DCLK1: variants seen among roughly 807,000 people sequenced by gnomAD.
DCLK1 encodes the protein serine/threonine-protein kinase DCLK1.
In DCLK1, 16 loss-of-function variants were observed where a neutral mutation model predicts 86.2. The observed-to-expected ratio is 0.19, with a 90% CI of 0.13 to 0.28. The LOEUF is 0.28. Ranked by LOEUF, DCLK1 falls within the 10% of genes least tolerant of loss-of-function variation. The probability of loss-of-function intolerance (pLI) is 1.00; values close to 1 mark genes in which losing one functional copy is unlikely to be tolerated. For missense variants in DCLK1, 590 were observed against 940.2 expected (o/e 0.63, Z 4.87); for synonymous variants, 369 against 370.5 (o/e 1.00, Z 0.05).
rs575357802 is a variant in DCLK1, at chr13:35,823,520, A to AG, written c.1408-646dup. ...AGTTGAGTGAGAGAAGGAGGGAGGA[A>AG]GGGGGGGAAATCTCAAAGAAAGTTT... On this transcript the variant is annotated intron_variant, in intron 10 of 16. Transcript: ENST00000360631. 1.6e-4 allele frequency among the ~76,000 whole-genome samples: 24 copies of AG among 152,240 alleles called. No homozygotes were observed. In the South Asian group the frequency reaches 4.6e-3, roughly 29 times the overall value.
chr13:35,827,536 A>G (rs1868580692), intron 10 of DCLK1, 99 bp downstream of exon 10: 1 of 1,418,732 alleles, frequency 7.0e-7, no homozygotes, highest in African/African-American at 1.4e-5. Flanking sequence ...CAGAAATGAG[A>G]ACCTGAATAC....
At chr13:35,871,058 A>G (rs1370819497) in intron 5 of DCLK1, among the ~76,000 whole-genome samples, 166 bp downstream of exon 5, 5 of 152,202 alleles carry the variant, frequency 3.3e-5, no homozygotes, top group African/African-American at 7.2e-5. Context: ...CTTGCAGCCA[A>G]TATGCTAGAC....
In DCLK1 at chr13:36,052,142, C is replaced by T. The variant is rs1042165707; in HGVS notation, c.723+59727G>A. On this transcript the variant is annotated intron_variant, in intron 3 of 16. Coordinates refer to ENST00000360631, the MANE Select transcript of DCLK1 (RefSeq NM_001330071.2). ...TTCAAACCTCTTTTTACTTGAGAAA[C>T]TCAACTTATATCTCATCACGGAACT... is the stretch of plus-strand genomic sequence containing the variant. Among the ~76,000 whole-genome samples, 5 of 152,080 alleles carry T rather than the reference C, an allele frequency of 3.3e-5. No individual in the cohort carries two copies. In the East Asian group the frequency reaches 9.6e-4, roughly 29 times the overall value.
intron 3 of DCLK1, among the ~76,000 whole-genome samples, chr13:36,052,545 A>G (rs1353360593): frequency 6.6e-6 from 1 of 152,172 alleles, no homozygotes; most frequent in Non-Finnish European, 1.5e-5. Context: ...TCTAGGACAA[A>G]CACTAGGAAT....
At chr13:35,796,606 T>C (rs144584699) in intron 15 of DCLK1, among the ~76,000 whole-genome samples, 1,732 of 152,274 alleles carry the variant, frequency 0.011, 19 homozygotes, top group Middle Eastern at 0.02. Context: ...TCAGTCCATT[T>C]ATTAGTCCCA....
intron 3 of DCLK1, among the ~76,000 whole-genome samples, chr13:35,986,886 T>G (rs529928522): frequency 6.6e-6 from 1 of 152,036 alleles, no homozygotes; most frequent in Admixed American, 6.6e-5. Flanking sequence ...GGGAGGGAGA[T>G]CAGCCCTAAA....
intron 15 of DCLK1, among the ~76,000 whole-genome samples, chr13:35,800,161 GC>G (rs1429494861): frequency 1.3e-5 from 2 of 152,204 alleles, no homozygotes; most frequent in Non-Finnish European, 2.9e-5. Flanking sequence ...CATTTCATGA[GC>G]ACATAGCAAT....
In DCLK1 at chr13:35,774,432, T is replaced by G; in HGVS notation, c.*103A>C. The G allele has an allele frequency of 1.5e-6, 2 of 1,340,986 alleles. No individual in the cohort carries two copies. The highest frequency in any genetic ancestry group is 1.5e-5 in the South Asian group (1 of 66,520). The allele number at this position is 1,340,986 out of a possible 1,614,324, so 83.1% of individuals were successfully genotyped here. A position where few individuals can be genotyped will look rare whatever the true frequency, so the allele number is the denominator to read the frequency against. On this transcript the variant is annotated 3_prime_UTR_variant, in exon 17 of 17. Coordinates refer to ENST00000360631, the MANE Select transcript of DCLK1 (RefSeq NM_001330071.2). ...ACTTTCAGTTCTGCCATTCAAGCATTGAGCGCTAGATAGATCAGATGAAAC... is the reference window on the plus strand; with the variant it reads ...ACTTTCAGTTCTGCCATTCAAGCATGGAGCGCTAGATAGATCAGATGAAAC...
intron 3 of DCLK1, among the ~76,000 whole-genome samples, chr13:36,103,154 G>T (rs534400379): frequency 6.6e-6 from 1 of 151,872 alleles, no homozygotes; most frequent in Non-Finnish European, 1.5e-5. Context: ...TAATCCCAGC[G>T]CTTTGGGAGG....
At chr13:35,855,613 G>A (rs528502423) in intron 5 of DCLK1, 158 of 1,543,938 alleles carry the variant, frequency 1.0e-4, no homozygotes, top group South Asian at 9.5e-4. Context: ...AATGGGAATC[G>A]GTTGGATGAG....
chr13:35,928,485 G>C (rs536629208), intron 4 of DCLK1, among the ~76,000 whole-genome samples: 3 of 152,194 alleles, frequency 2.0e-5, no homozygotes, highest in Admixed American at 2.0e-4. Context: ...CTTGCCCCCT[G>C]CAGCCTCCCC....
intron 3 of DCLK1, among the ~76,000 whole-genome samples, chr13:35,960,560 G>C (rs1878399520): frequency 6.6e-6 from 1 of 152,194 alleles, no homozygotes; most frequent in South Asian, 2.1e-4. Context: ...CTGGGCTCAA[G>C]TGATCCTCTG....
At chr13:35,910,922 A>T (rs569362423) in intron 4 of DCLK1, among the ~76,000 whole-genome samples, 1 of 152,204 alleles carries the variant, frequency 6.6e-6, no homozygotes, top group Admixed American at 6.5e-5. Flanking sequence ...CACTAGAGAG[A>T]TTTTTTCAAA....
intron 3 of DCLK1, among the ~76,000 whole-genome samples, chr13:35,951,881 C>G (rs1419768763): frequency 6.6e-6 from 1 of 152,152 alleles, no homozygotes; most frequent in Non-Finnish European, 1.5e-5. Context: ...ATCCTAGCTT[C>G]AGTCAGAGCA....
chr13:35,784,676 G>A (rs1435236083), intron 16 of DCLK1, among the ~76,000 whole-genome samples: 3 of 152,154 alleles, frequency 2.0e-5, no homozygotes, highest in Non-Finnish European at 4.4e-5. Flanking sequence ...CAAATTCTGT[G>A]TTACAGAGGG....
intron 4 of DCLK1, among the ~76,000 whole-genome samples, chr13:35,884,026 T>C (rs1873078013): frequency 6.6e-6 from 1 of 152,098 alleles, no homozygotes; most frequent in South Asian, 2.1e-4. Flanking sequence ...CCTACTATAT[T>C]AGACTCATTG....
At position 35,771,814 on chromosome 13, in the gene DCLK1, A is replaced by G. The variant is rs960134848; in HGVS notation, c.*2721T>C. On this transcript the variant is annotated 3_prime_UTR_variant, in exon 17 of 17. Coordinates refer to ENST00000360631, the MANE Select transcript of DCLK1 (RefSeq NM_001330071.2). ...CATAGATACACTGCCATAATGATAC[A>G]TATTTGTTCTATGATAAGTGAAATC... The G allele has an allele frequency of 5.9e-5, 9 of 152,230 alleles. No homozygotes were observed. The highest frequency in any genetic ancestry group is 2.2e-4 in the African/African-American group (9 of 41,470). The allele number at this position is 152,230 out of a possible 1,614,324, so 9.4% of individuals were successfully genotyped here.
intron 6 of DCLK1, among the ~76,000 whole-genome samples, chr13:35,839,462 C>A (rs370345935): frequency 1.3e-5 from 2 of 152,156 alleles, no homozygotes; most frequent in Non-Finnish European, 2.9e-5. Context: ...TCCTTTAGCT[C>A]GCTGTTTGGG....
chr13:36,059,198 G>A (rs865842457), intron 3 of DCLK1, among the ~76,000 whole-genome samples: 23 of 152,236 alleles, frequency 1.5e-4, no homozygotes, highest in Admixed American at 2.0e-4. Flanking sequence ...CAGAATTAGC[G>A]TCTGCGCCTC....
Sources: gnomAD v4.1 joint callset for allele counts (sites outside exome capture counted in the v4.1 genomes callset) on GRCh38, gnomAD v4.1.1 for gene constraint, MANE v1.5 for transcripts, NCBI Gene and HGNC (gene_info 2026-07-23, HGNC 2026-07-21) for gene names.